The following SMLR1 variants were observed in gnomAD, a reference collection of about 807,000 sequenced individuals.
SMLR1 encodes the protein small leucine rich protein 1.
Under a neutral mutation model 6.1 loss-of-function variants are expected in SMLR1, and 3 were observed. The ratio of observed to expected loss-of-function variants is 0.49; its 90% CI spans 0.22 to 1.28. The LOEUF is 1.28. Among genes scored for constraint, SMLR1 ranks in the 50% most tolerant of loss-of-function variants. The pLI, the probability that SMLR1 is intolerant of heterozygous loss-of-function variation, is 0.19. For synonymous variants in SMLR1, 55 were observed against 53.6 expected (o/e 1.03, Z -0.11); for missense variants, 126 against 124.8 (o/e 1.01, Z -0.05).
intron 1 of SMLR1, 67 bp downstream of exon 1, chr6:130,827,718 G>C: frequency 8.4e-7 from 1 of 1,184,412 alleles, no homozygotes; most frequent in Non-Finnish European, 1.2e-6. Flanking sequence ...GAAATATACC[G>C]ATGCACTGTC....
At chr6:130,834,261 G>T (rs747621940) in intron 1 of SMLR1, among the ~76,000 whole-genome samples, 1 of 152,126 alleles carries the variant, frequency 6.6e-6, no homozygotes, top group Non-Finnish European at 1.5e-5. Context: ...GGAGGAGAAT[G>T]GTGGGGGCAG....
Position 130,836,298 on chromosome 6 carries a change from C to T in SMLR1, c.*1343C>T, listed in dbSNP as rs574142215. On this transcript the variant is annotated 3_prime_UTR_variant, in exon 2 of 2. Transcript: ENST00000541421. ...TGCTCTTGCCATATGGAAGGAATAA[C>T]AATATTCTTTCAGTTTTGGGAGAGA... 6.6e-6 allele frequency: 1 copy of T among 152,248 alleles called. No homozygotes were observed. The highest frequency in any genetic ancestry group is 6.5e-5 in the Admixed American group (1 of 15,282). 9.4% of individuals were successfully genotyped at this position (152,248 alleles called of 1,614,324 possible). A position where few individuals can be genotyped will look rare whatever the true frequency, so the allele number is the denominator to read the frequency against.
In SMLR1 at chr6:130,836,544, A is replaced by G. The variant is rs941521932; in HGVS notation, c.*1589A>G. On this transcript the variant is annotated 3_prime_UTR_variant, in exon 2 of 2. Transcript: ENST00000541421. Reference sequence around the variant, plus strand: ...ACCATCTCAGCTATTGTGATAACACATGAGCTCTATATAGACATGTTTTCA... The same window carrying G: ...ACCATCTCAGCTATTGTGATAACACGTGAGCTCTATATAGACATGTTTTCA... 3.9e-5 allele frequency: 6 copies of G among 152,190 alleles called. No homozygotes were observed. Among genetic ancestry groups the G allele is most frequent in the Non-Finnish European group, 8.8e-5 (6 of 68,030 alleles). The allele number at this position is 152,190 out of a possible 1,614,324, so 9.4% of individuals were successfully genotyped here.
At chr6:130,828,225 C>A (rs552124575) in intron 1 of SMLR1, among the ~76,000 whole-genome samples, 1 of 152,164 alleles carries the variant, frequency 6.6e-6, no homozygotes, top group Admixed American at 6.5e-5. Flanking sequence ...TGGAAAAAAA[C>A]CAAACCAAAC....
intron 1 of SMLR1, among the ~76,000 whole-genome samples, chr6:130,828,872 T>C (rs1046900415): frequency 6.6e-6 from 1 of 152,188 alleles, no homozygotes; most frequent in Non-Finnish European, 1.5e-5. Context: ...GATGCTCTTG[T>C]CACCCAGCCA....
Position 130,827,572 on chromosome 6 carries a change from C to T in SMLR1, c.159C>T (p.Phe53=), listed in dbSNP as rs768291094. ...SAFMRELPGW[F]LFFGVFLPVT... ...TCATGAGGGAGCTCCCTGGCTGGTT[C>T]CTGTTCTTTGGGGTCTTCCTCCCCG... Residue 53 remains phenylalanine, a synonymous_variant, in exon 1 of 2, where the codon TTC becomes TTT. Coordinates refer to ENST00000541421, the MANE Select transcript of SMLR1 (RefSeq NM_001195597.2). 5.5e-5 allele frequency: 84 copies of T among 1,535,834 alleles called. No homozygotes were observed. The highest frequency in any genetic ancestry group is 1.6e-4 in the Admixed American group (8 of 50,964).
chr6:130,832,207 C>T (rs749305412), intron 1 of SMLR1, among the ~76,000 whole-genome samples: 1 of 152,084 alleles, frequency 6.6e-6, no homozygotes, highest in Non-Finnish European at 1.5e-5. Flanking sequence ...AAAACACCAT[C>T]GCCCTGATCA....
chr6:130,829,323 A>T (rs902310103), intron 1 of SMLR1, among the ~76,000 whole-genome samples: 1 of 152,220 alleles, frequency 6.6e-6, no homozygotes, highest in Non-Finnish European at 1.5e-5. Context: ...AGTTTTACTC[A>T]TTCCTGGAAA....
intron 1 of SMLR1, among the ~76,000 whole-genome samples, chr6:130,830,799 C>T (rs1423300207): frequency 6.6e-6 from 1 of 152,178 alleles, no homozygotes. Flanking sequence ...GCCCTTACTG[C>T]TACACTCCCA....
chr6:130,828,894 T>C (rs1199000979), intron 1 of SMLR1, among the ~76,000 whole-genome samples: 1 of 152,146 alleles, frequency 6.6e-6, no homozygotes, highest in East Asian at 1.9e-4. Flanking sequence ...TCATTACCAC[T>C]GAACCCCGGA....
rs757569538 is a variant in SMLR1, at chr6:130,827,429, C to T, written c.16C>T (p.Arg6Trp). The change falls in exon 1 of 2, where the codon CGG becomes TGG. Residue 6 changes from arginine (R) to tryptophan (W), a missense_variant. By Grantham distance (101) the Arg-to-Trp change is moderately radical (BLOSUM62 -3). Transcript: ENST00000541421. MLSKG[R>W]SPRRKQVQTQ... ...CCACTGAGACATGCTGAGCAAAGGCCGGAGCCCCAGAAGAAAACAAGTACA... is the reference window on the plus strand; with the variant it reads ...CCACTGAGACATGCTGAGCAAAGGCTGGAGCCCCAGAAGAAAACAAGTACA... 39 of 1,535,746 alleles carry T rather than the reference C, an allele frequency of 2.5e-5. No homozygotes were observed. In the Middle Eastern group the frequency reaches 8.3e-4, roughly 33 times the overall value.
At position 130,831,749 on chromosome 6, in the gene SMLR1, C is replaced by T. The variant is rs190460291; in HGVS notation, c.239-3121C>T. On this transcript the variant is annotated intron_variant, in intron 1 of 1. Transcript: ENST00000541421. ...AAAGAGAGGGACATTGATAGATTAA[C>T]TGGCATGTTCGCAGAACCCCAGAGT... Among the ~76,000 whole-genome samples, 9 of 152,294 alleles carry T rather than the reference C, an allele frequency of 5.9e-5. No individual in the cohort carries two copies. In the East Asian group the frequency reaches 1.5e-3, roughly 26 times the overall value.
Position 130,835,583 on chromosome 6 carries a change from T to C in SMLR1, c.*628T>C, listed in dbSNP as rs764045236. ...ACACTAGGTATGGATCACCCACAAA[T>C]GTAGCTTTCAGCATGATGCGACCTG... On this transcript the variant is annotated 3_prime_UTR_variant, in exon 2 of 2. Transcript: ENST00000541421. The C allele has an allele frequency of 3.9e-5, 6 of 152,226 alleles. No homozygotes were observed. The highest frequency in any genetic ancestry group is 8.8e-5 in the Non-Finnish European group (6 of 68,072). 9.4% of individuals were successfully genotyped at this position (152,226 alleles called of 1,614,324 possible). A position where few individuals can be genotyped will look rare whatever the true frequency, so the allele number is the denominator to read the frequency against.
In SMLR1 at chr6:130,827,574, T is replaced by C. The variant is rs1351784126; in HGVS notation, c.161T>C (p.Leu54Pro). ...AFMRELPGWF[L>P]FFGVFLPVTL... ...ATGAGGGAGCTCCCTGGCTGGTTCC[T>C]GTTCTTTGGGGTCTTCCTCCCCGTG... The change falls in exon 1 of 2, where the codon CTG becomes CCG. Residue 54 changes from leucine (L) to proline (P), a missense_variant. By Grantham distance (98) the Leu-to-Pro change is moderately conservative (BLOSUM62 -3). Transcript: ENST00000541421. The C allele has an allele frequency of 1.3e-6, 2 of 1,536,024 alleles. No individual in the cohort carries two copies. Among genetic ancestry groups the C allele is most frequent in the Non-Finnish European group, 8.7e-7 (1 of 1,146,858 alleles).
chr6:130,834,845 T>C (rs1449332571), intron 1 of SMLR1, 25 bp from the exon 2 acceptor site: 8 of 1,525,310 alleles, frequency 5.2e-6, no homozygotes, highest in Non-Finnish European at 7.0e-6. Context: ...GTCTCCAAAT[T>C]ATTAACTAAT....
Position 130,835,040 on chromosome 6 carries a change from T to A in SMLR1, c.*85T>A. ...CCAACAGTTCAGCTAATAAAGTAGG[T>A]TGATAAACTAGAACCATAGCAAAAT... is the stretch of plus-strand genomic sequence containing the variant. On this transcript the variant is annotated 3_prime_UTR_variant, in exon 2 of 2. Transcript: ENST00000541421. The A allele has an allele frequency of 9.5e-7, 1 of 1,053,628 alleles. No individual in the cohort carries two copies. The highest frequency in any genetic ancestry group is 1.6e-5 in the African/African-American group (1 of 63,362). The allele number at this position is 1,053,628 out of a possible 1,614,324, so 65.3% of individuals were successfully genotyped here. A position where few individuals can be genotyped will look rare whatever the true frequency, so the allele number is the denominator to read the frequency against.
At chr6:130,829,911 A>C (rs1774388409) in intron 1 of SMLR1, among the ~76,000 whole-genome samples, 1 of 152,200 alleles carries the variant, frequency 6.6e-6, no homozygotes, top group Admixed American at 6.5e-5. Flanking sequence ...GGGTAGAGTC[A>C]TTACACCAAC....
rs1463667512 is a variant in SMLR1 at position 130,836,342 on chromosome 6, G to A, written c.*1387G>A. On this transcript the variant is annotated 3_prime_UTR_variant, in exon 2 of 2. Transcript: ENST00000541421. The stretch of plus-strand genomic sequence containing the variant: ...GGAGAGATCTCTTTTTAGCCCCTGG[G>A]GGAAATCAGCTTATGTAAAAATGCT... 6.6e-6 allele frequency: 1 copy of A among 152,142 alleles called. No homozygotes were observed. The highest frequency in any genetic ancestry group is 2.4e-5 in the African/African-American group (1 of 41,442). The allele number at this position is 152,142 out of a possible 1,614,324, so 9.4% of individuals were successfully genotyped here.
At chr6:130,827,719 A>G in intron 1 of SMLR1, 68 bp downstream of exon 1, 1 of 1,163,830 alleles carries the variant, frequency 8.6e-7, no homozygotes, top group East Asian at 2.6e-5. Flanking sequence ...AAATATACCG[A>G]TGCACTGTCA....
Sources: allele counts gnomAD v4.1 joint callset (sites outside exome capture counted in the v4.1 genomes callset), GRCh38; gene constraint gnomAD v4.1.1; transcripts MANE v1.5; gene names NCBI Gene and HGNC (gene_info 2026-07-23, HGNC 2026-07-21).